The following TRIO variants were observed in gnomAD, a reference collection of about 807,000 sequenced individuals.
TRIO encodes the protein triple functional domain protein.
In TRIO, 58 loss-of-function variants were observed where a neutral mutation model predicts 351.9. The ratio of observed to expected loss-of-function variants is 0.16; its 90% CI spans 0.13 to 0.21. The LOEUF is 0.21. Among genes scored for constraint, TRIO ranks in the 10% least tolerant of loss-of-function variants. The probability of loss-of-function intolerance (pLI) is 1.00; values close to 1 mark genes in which losing one functional copy is unlikely to be tolerated. For synonymous variants in TRIO, 1,758 were observed against 1,595.7 expected, an observed-to-expected ratio of 1.10 and a Z score of -2.42; for missense variants, 3,201 against 4,027.8, an observed-to-expected ratio of 0.79 and a Z score of 5.56.
At chr5:14,270,974 T>A in intron 2 of TRIO, 75 bp downstream of exon 2, 1 of 1,002,024 alleles carries the variant, frequency 1.0e-6, no homozygotes. Flanking sequence ...ATAAATGAAC[T>A]CACCTGCCAC....
At chr5:14,147,615 G>A (rs1435326651) in intron 1 of TRIO, among the ~76,000 whole-genome samples, 2 of 152,114 alleles carry the variant, frequency 1.3e-5, no homozygotes, top group South Asian at 2.1e-4. Context: ...AATCTTACTC[G>A]ACTCCTCCTG....
chr5:14,503,775 C>T (rs1458637688), intron 54 of TRIO, among the ~76,000 whole-genome samples: 2 of 152,218 alleles, frequency 1.3e-5, no homozygotes, highest in Admixed American at 6.5e-5. Flanking sequence ...ACAGTCTGCC[C>T]GCCACAGGCG....
At chr5:14,372,466 C>T (rs1745205498) in intron 18 of TRIO, among the ~76,000 whole-genome samples, 1 of 152,086 alleles carries the variant, frequency 6.6e-6, no homozygotes. Flanking sequence ...GGTGTTAGTA[C>T]CCAGTGGTAA....
rs16903422 is a variant in TRIO, at chr5:14,368,550, T to C, written c.2875-158T>C. Among the ~76,000 whole-genome samples, 4,081 of 152,316 alleles carry C rather than the reference T, an allele frequency of 0.027. 220 individuals carry two copies. Among genetic ancestry groups the C allele is most frequent in the African/African-American group, 0.093 (3,876 of 41,568 alleles). On this transcript the variant is annotated intron_variant, in intron 16 of 56. Transcript: ENST00000344204. ...TTTCTCGGCATAAAACCTTTTTTGC[T>C]AAACTGTCTGCTGTGCTTTTAGAAG... is the stretch of plus-strand genomic sequence containing the variant.
intron 31 of TRIO, among the ~76,000 whole-genome samples, chr5:14,404,345 A>G (rs1579558084): frequency 6.6e-6 from 1 of 152,056 alleles, no homozygotes; most frequent in South Asian, 2.1e-4. Flanking sequence ...GGTATTTAGT[A>G]CTTTACCTCA....
At chr5:14,443,289 A>G (rs1330350925) in intron 34 of TRIO, among the ~76,000 whole-genome samples, 2 of 152,222 alleles carry the variant, frequency 1.3e-5, no homozygotes, top group Admixed American at 6.5e-5. Context: ...TCACTTCACC[A>G]TAAAGGATAG....
At chr5:14,181,329 G>T (rs922907041) in intron 1 of TRIO, among the ~76,000 whole-genome samples, 2 of 152,136 alleles carry the variant, frequency 1.3e-5, no homozygotes, top group African/African-American at 4.8e-5. Context: ...GAAGTTTTTG[G>T]TGTTTGTTGA....
At chr5:14,376,486 A>G (rs1206944421) in intron 19 of TRIO, among the ~76,000 whole-genome samples, 1 of 152,152 alleles carries the variant, frequency 6.6e-6, no homozygotes, top group Non-Finnish European at 1.5e-5. Flanking sequence ...CACCCATCCC[A>G]CTTTTTAATT....
chr5:14,188,151 A>AT lies in TRIO; in HGVS notation c.157+44275dup, dbSNP rs1313018684. Among the ~76,000 whole-genome samples the AT allele has an allele frequency of 9.9e-5, 15 of 152,206 alleles. 1 individual carries two copies. The highest frequency in any genetic ancestry group is 6.5e-4 in the Admixed American group (10 of 15,286). On this transcript the variant is annotated intron_variant, in intron 1 of 56. Coordinates refer to ENST00000344204, the MANE Select transcript of TRIO (RefSeq NM_007118.4). The stretch of plus-strand genomic sequence containing the variant: ...ACCTAAAATTAAAATTTTGAAAACC[A>AT]TTTTTTGTGGAAAGGACAAATCATG...
chr5:14,268,166 G>C (rs1489507386), intron 1 of TRIO, among the ~76,000 whole-genome samples: 1 of 152,134 alleles, frequency 6.6e-6, no homozygotes, highest in Admixed American at 6.5e-5. Context: ...CACATGAGAG[G>C]GAGTCCATGA....
rs73749289 is a variant in TRIO, at chr5:14,504,428, A to G, written c.8447A>G (p.Lys2816Arg). ...TCTGTCGTTAAGAAATGTGATCAGA[A>G]AGGAACCAAGCGAGCAGTGGCCACT... ...RFSVVKKCDQ[K>R]GTKRAVATKF... The change falls in exon 55 of 57, where the codon AAA (lysine) becomes AGA (arginine). Residue 2816 changes from lysine to arginine, a missense_variant. By Grantham distance (26) the Lys-to-Arg change is conservative. Around this residue, in one of 19 missense-constraint regions of TRIO, gnomAD observed 1,089 missense variants for 954.9 expected, o/e 1.14. Coordinates refer to ENST00000344204, the MANE Select transcript of TRIO (RefSeq NM_007118.4). The G allele has an allele frequency of 7.8e-4, 1,262 of 1,614,174 alleles. 16 individuals are homozygous for G. In the African/African-American group the frequency reaches 0.015, roughly 19 times the overall value.
At chr5:14,231,220 C>T (rs1793406979) in intron 1 of TRIO, among the ~76,000 whole-genome samples, 1 of 152,210 alleles carries the variant, frequency 6.6e-6, no homozygotes, top group African/African-American at 2.4e-5. Flanking sequence ...ATCCATTTTT[C>T]CGTCTTTAGG....
At chr5:14,354,702 C>T (rs1194911778) in intron 11 of TRIO, among the ~76,000 whole-genome samples, 1 of 152,240 alleles carries the variant, frequency 6.6e-6, no homozygotes, top group Non-Finnish European at 1.5e-5. Flanking sequence ...AGTGCAGAGG[C>T]AGCACCGTTG....
rs187183231 is a variant in TRIO at position 14,324,257 on chromosome 5, T to A, written c.1732-6521T>A. ...GAACAAATTCAGAGTATTTTAGATTTACCTTTGCTTTTCATTTGTTTCATG... is the reference window on the plus strand; with the variant it reads ...GAACAAATTCAGAGTATTTTAGATTAACCTTTGCTTTTCATTTGTTTCATG... On this transcript the variant is annotated intron_variant, in intron 9 of 56. Transcript: ENST00000344204. Among the ~76,000 whole-genome samples the A allele has an allele frequency of 3.3e-5, 5 of 152,252 alleles. No homozygotes were observed. The East Asian group carries it at 9.6e-4, about 29-fold the overall frequency.
intron 1 of TRIO, among the ~76,000 whole-genome samples, chr5:14,232,310 TC>T (rs566329978): frequency 1.3e-5 from 2 of 152,038 alleles, no homozygotes; most frequent in Non-Finnish European, 2.9e-5. Context: ...TCCATACCAC[TC>T]CCCCCAACCC....
At chr5:14,160,105 T>C (rs949052373) in intron 1 of TRIO, among the ~76,000 whole-genome samples, 1 of 152,230 alleles carries the variant, frequency 6.6e-6, no homozygotes, top group African/African-American at 2.4e-5. Flanking sequence ...GAAATTTATT[T>C]TGGGCACAGT....
intron 34 of TRIO, among the ~76,000 whole-genome samples, chr5:14,427,453 TC>T (rs1036151699): frequency 1.3e-5 from 2 of 152,196 alleles, no homozygotes; most frequent in African/African-American, 4.8e-5. Context: ...CTGCTCGTGT[TC>T]CCAGCCAACC....
At chr5:14,502,861 G>A (rs190949483) in intron 54 of TRIO, among the ~76,000 whole-genome samples, 13 of 152,342 alleles carry the variant, frequency 8.5e-5, no homozygotes, top group African/African-American at 2.9e-4. Flanking sequence ...TTCCAGCAGA[G>A]AGGGCCGAAT....
At chr5:14,196,649 C>G (rs1055271846) in intron 1 of TRIO, among the ~76,000 whole-genome samples, 9 of 152,132 alleles carry the variant, frequency 5.9e-5, no homozygotes, top group Admixed American at 2.0e-4. Flanking sequence ...CCTGTGCTCT[C>G]CCCGTTTCTT....
Sources: gnomAD v4.1 joint callset for allele counts (sites outside exome capture counted in the v4.1 genomes callset) on GRCh38, gnomAD v4.1.1 for gene constraint, gnomAD v4.1.1 regional missense constraint, MANE v1.5 for transcripts, NCBI Gene and HGNC (gene_info 2026-07-23, HGNC 2026-07-21) for gene names.